Variants in ANXA11 observed in about 807,000 individuals in gnomAD.
ANXA11 encodes annexin A11.
A neutral mutation model predicts 64.7 loss-of-function variants in ANXA11; 57 were observed. The observed-to-expected ratio is 0.88, with a 90% CI of 0.71 to 1.10. ANXA11 has a LOEUF of 1.10. ANXA11 is among the 50% of genes least tolerant of loss of function. The pLI is 0.00. For missense variants in ANXA11, 675 were observed against 670.7 expected (o/e 1.01, Z -0.07); for synonymous variants, 260 against 265.2 (o/e 0.98, Z 0.19).
chr10:80,199,561 T>C (rs1300537017), intron 1 of ANXA11, among the ~76,000 whole-genome samples: 3 of 152,128 alleles, frequency 2.0e-5, no homozygotes, highest in Admixed American at 2.0e-4. Flanking sequence ...ATCCCAGCAC[T>C]TTGGGAAGCT....
chr10:80,203,689 C>T (rs1409124289), intron 1 of ANXA11, among the ~76,000 whole-genome samples: 4 of 152,042 alleles, frequency 2.6e-5, no homozygotes, highest in Admixed American at 2.6e-4. Context: ...AGATGAGAAC[C>T]GAGTCAGTGC....
chr10:80,191,045 G>A (rs1171993656), intron 1 of ANXA11, among the ~76,000 whole-genome samples: 1 of 151,894 alleles, frequency 6.6e-6, no homozygotes, highest in African/African-American at 2.4e-5. Context: ...GGCCAACATG[G>A]CAAAACCCCA....
At chr10:80,199,025 C>T (rs1840296176) in intron 1 of ANXA11, among the ~76,000 whole-genome samples, 1 of 152,086 alleles carries the variant, frequency 6.6e-6, no homozygotes. Context: ...CAACCTCCAT[C>T]CACCCTCAAC....
At chr10:80,196,460 C>T (rs1840173973) in intron 1 of ANXA11, among the ~76,000 whole-genome samples, 1 of 152,168 alleles carries the variant, frequency 6.6e-6, no homozygotes, top group Admixed American at 6.5e-5. Context: ...GCACCTGTTT[C>T]GGTAGCCTCT....
chr10:80,196,981 C>T (rs1013486187), intron 1 of ANXA11, among the ~76,000 whole-genome samples: 12 of 152,204 alleles, frequency 7.9e-5, no homozygotes, highest in East Asian at 1.9e-4. Flanking sequence ...AAAGACACTT[C>T]TTCAAGATAA....
At chr10:80,174,995 A>G (rs1846118503) in intron 2 of ANXA11, among the ~76,000 whole-genome samples, 1 of 152,166 alleles carries the variant, frequency 6.6e-6, no homozygotes, top group South Asian at 2.1e-4. Flanking sequence ...GCAAAGCCCT[A>G]TGGCTTTGGA....
chr10:80,164,296 G>A (rs1279638653), intron 8 of ANXA11, among the ~76,000 whole-genome samples, 153 bp from the exon 9 acceptor site: 2 of 152,142 alleles, frequency 1.3e-5, no homozygotes, highest in Admixed American at 6.5e-5. Flanking sequence ...CAGGCTCGAG[G>A]GCATCAGCTC....
At position 80,169,121 on chromosome 10, in the gene ANXA11, CG is replaced by C. The variant is rs771435989; in HGVS notation, c.408del (p.Gly137AspfsTer14). On this transcript the variant is annotated frameshift_variant, in exon 5 of 16. Transcript: ENST00000422982. LOFTEE classifies it high-confidence loss of function. ...APVPGQPMPP[P>X]GQQPPGAYPG... ...GGGTAGGCCCCTGGGGGCTGCTGTC[CG>C]GGGGGTGGCATGGGCTGGCCCGGCA... is the stretch of plus-strand genomic sequence containing the variant. 4.9e-5 allele frequency: 76 copies of C among 1,542,364 alleles called. No individual in the cohort carries two copies. The highest frequency in any genetic ancestry group is 2.1e-5 in the Admixed American group (1 of 46,664).
intron 1 of ANXA11, among the ~76,000 whole-genome samples, chr10:80,191,733 C>T (rs1226798192): frequency 1.3e-5 from 2 of 152,216 alleles, no homozygotes; most frequent in Non-Finnish European, 2.9e-5. Flanking sequence ...CAGTGGCTTC[C>T]GTGTGGCCAG....
intron 1 of ANXA11, among the ~76,000 whole-genome samples, chr10:80,178,340 T>C (rs3851055): frequency 0.13 from 19,554 of 152,272 alleles, 1,389 homozygotes; most frequent in South Asian, 0.24. Flanking sequence ...TTCTGATGGC[T>C]GGGGCATGTC....
At chr10:80,183,560 C>T (rs553845041) in intron 1 of ANXA11, among the ~76,000 whole-genome samples, 207 of 152,310 alleles carry the variant, frequency 1.4e-3, no homozygotes, top group Middle Eastern at 0.01. Context: ...ACGGGTGTGG[C>T]GGAGAGGGTC....
chr10:80,182,508 T>C (rs1287503388), intron 1 of ANXA11, among the ~76,000 whole-genome samples: 1 of 152,190 alleles, frequency 6.6e-6, no homozygotes, highest in Non-Finnish European at 1.5e-5. Flanking sequence ...TGCATATGTG[T>C]TTATACATGC....
chr10:80,202,635 A>G (rs1347190321), intron 1 of ANXA11, among the ~76,000 whole-genome samples: 1 of 152,136 alleles, frequency 6.6e-6, no homozygotes, highest in African/African-American at 2.4e-5. Flanking sequence ...AAATCCAGAG[A>G]AAGTGAAAAG....
intron 11 of ANXA11, among the ~76,000 whole-genome samples, chr10:80,162,839 T>C (rs1232194591): frequency 2.6e-4 from 39 of 152,182 alleles, no homozygotes; most frequent in Admixed American, 2.6e-3. Context: ...AATTCATTAG[T>C]GGGAAACCCA....
chr10:80,190,484 A>ATTTTTT (rs34704342), intron 1 of ANXA11, among the ~76,000 whole-genome samples: 5 of 127,498 alleles, frequency 3.9e-5, no homozygotes, highest in African/African-American at 6.1e-5. Flanking sequence ...TTTACAATAA[A>ATTTTTT]TTTTTTTTTT....
At chr10:80,182,374 C>T (rs1481576750) in intron 1 of ANXA11, among the ~76,000 whole-genome samples, 6 of 152,106 alleles carry the variant, frequency 3.9e-5, no homozygotes, top group Non-Finnish European at 2.9e-5. Context: ...AAATGAAAAG[C>T]AAGCATTCTT....
At chr10:80,197,867 T>C (rs1840239574) in intron 1 of ANXA11, among the ~76,000 whole-genome samples, 1 of 151,112 alleles carries the variant, frequency 6.6e-6, no homozygotes, top group Non-Finnish European at 1.5e-5. Flanking sequence ...GAGCTTGCAG[T>C]GAGCCGAGAT....
At chr10:80,165,996 T>G in intron 8 of ANXA11, 88 bp downstream of exon 8, 3 of 785,206 alleles carry the variant, frequency 3.8e-6, no homozygotes, top group Middle Eastern at 2.5e-4. Flanking sequence ...CAGGCCTCCT[T>G]CTGGGCTGTG....
rs927373954 is a variant in ANXA11 at position 80,154,091 on chromosome 10, A to G, written c.*1762T>C. 1 of 124,418 alleles carries G rather than the reference A, an allele frequency of 8.0e-6. No homozygotes were observed. Among genetic ancestry groups the G allele is most frequent in the Non-Finnish European group, 1.6e-5 (1 of 61,374 alleles). The allele number at this position is 124,418 out of a possible 1,614,324, so 7.7% of individuals were successfully genotyped here. Reference sequence around the variant, plus strand: ...TAGCCGACTATAGGGAATGCACTACAATGCCAGGTAAATTTTTTTTTTTTT... The same window carrying G: ...TAGCCGACTATAGGGAATGCACTACGATGCCAGGTAAATTTTTTTTTTTTT... On this transcript the variant is annotated 3_prime_UTR_variant, in exon 16 of 16. Transcript: ENST00000422982.
Sources: allele counts gnomAD v4.1 joint callset (sites outside exome capture counted in the v4.1 genomes callset), GRCh38; gene constraint gnomAD v4.1.1; transcripts MANE v1.5; gene names NCBI Gene and HGNC (gene_info 2026-07-23, HGNC 2026-07-21).